RCAN2: variants seen among roughly 807,000 people sequenced by gnomAD.
RCAN2 encodes calcipressin-2.
A neutral mutation model predicts 23.6 loss-of-function variants in RCAN2; 9 were observed. The ratio of observed to expected loss-of-function variants is 0.38; its 90% CI spans 0.23 to 0.67. RCAN2 has a LOEUF of 0.67. Ranked by LOEUF, RCAN2 falls within the 30% of genes least tolerant of loss-of-function variation. The pLI is 0.51. For synonymous variants in RCAN2, 109 were observed against 115.7 expected (o/e 0.94, Z 0.37); for missense variants, 273 against 302.3 (o/e 0.90, Z 0.72).
At chr6:46,261,045 C>T (rs1163641487) in intron 2 of RCAN2, among the ~76,000 whole-genome samples, 1 of 152,178 alleles carries the variant, frequency 6.6e-6, no homozygotes. Flanking sequence ...AAGCTGACAG[C>T]TTCAACCTTC....
intron 2 of RCAN2, among the ~76,000 whole-genome samples, chr6:46,270,959 A>G (rs1436379511): frequency 1.3e-5 from 2 of 152,172 alleles, no homozygotes. Context: ...GTTCTGTGAT[A>G]CATCCTTGTG....
Position 46,221,297 on chromosome 6 carries a change from A to C in RCAN2, c.*1844T>G, listed in dbSNP as rs1432808487. 1.3e-5 allele frequency: 2 copies of C among 152,640 alleles called. No individual in the cohort carries two copies. Among genetic ancestry groups the C allele is most frequent in the Non-Finnish European group, 2.9e-5 (2 of 68,034 alleles). The allele number at this position is 152,640 out of a possible 1,614,324, so 9.5% of individuals were successfully genotyped here. On this transcript the variant is annotated 3_prime_UTR_variant, in exon 5 of 5. Coordinates refer to ENST00000371374, the MANE Select transcript of RCAN2 (RefSeq NM_001251974.2). ...AAGTCAAATGACCCACAGATGATTG[A>C]GAAGAGTCAGCTTTGAAAGGCTGGA...
chr6:46,456,734 C>T lies in RCAN2; in HGVS notation c.225+18G>A. On this transcript the variant is annotated intron_variant, in intron 2 of 4. Coordinates refer to ENST00000371374, the MANE Select transcript of RCAN2 (RefSeq NM_001251974.2). Reference sequence around the variant, plus strand: ...GCCATATCTCCCCATGTTTTAGGAACAGAAAAAGGCAGCTTACCTTGCTCT... The same window carrying T: ...GCCATATCTCCCCATGTTTTAGGAATAGAAAAAGGCAGCTTACCTTGCTCT... 3 of 1,511,310 alleles carry T rather than the reference C, an allele frequency of 2.0e-6. No individual in the cohort carries two copies. Among genetic ancestry groups the T allele is most frequent in the Non-Finnish European group, 2.7e-6 (3 of 1,111,138 alleles). 93.6% of individuals were successfully genotyped at this position (1,511,310 alleles called of 1,614,324 possible). A position where few individuals can be genotyped will look rare whatever the true frequency, so the allele number is the denominator to read the frequency against.
chr6:46,479,671 C>T (rs1768803694), intron 1 of RCAN2, among the ~76,000 whole-genome samples: 1 of 151,208 alleles, frequency 6.6e-6, no homozygotes, highest in African/African-American at 2.4e-5. Flanking sequence ...CAGCCTCTGC[C>T]TCCCGGGTTC....
chr6:46,240,344 C>T (rs1432477900), intron 4 of RCAN2, among the ~76,000 whole-genome samples: 1 of 152,096 alleles, frequency 6.6e-6, no homozygotes, highest in Non-Finnish European at 1.5e-5. Context: ...CTACAATGTA[C>T]ACAGTTTACC....
chr6:46,483,688 G>A (rs1406590255), intron 1 of RCAN2, among the ~76,000 whole-genome samples: 1 of 152,158 alleles, frequency 6.6e-6, no homozygotes, highest in Non-Finnish European at 1.5e-5. Flanking sequence ...CCAAGAGACA[G>A]AGAAATAAGA....
intron 2 of RCAN2, among the ~76,000 whole-genome samples, chr6:46,331,548 G>C (rs1030832452): frequency 2.2e-4 from 33 of 152,202 alleles, no homozygotes; most frequent in African/African-American, 6.5e-4. Context: ...AATCTTCAAA[G>C]GGCACTTACC....
chr6:46,280,108 A>G (rs950458786), intron 2 of RCAN2, among the ~76,000 whole-genome samples: 2 of 152,140 alleles, frequency 1.3e-5, no homozygotes, highest in Non-Finnish European at 2.9e-5. Context: ...TGCCTACCCC[A>G]CACAAAGCTT....
intron 2 of RCAN2, among the ~76,000 whole-genome samples, chr6:46,257,743 C>A (rs1284409885): frequency 1.3e-5 from 2 of 152,094 alleles, no homozygotes; most frequent in Non-Finnish European, 2.9e-5. Context: ...GACGAGGAGC[C>A]AAACCATATT....
intron 4 of RCAN2, among the ~76,000 whole-genome samples, chr6:46,223,838 A>G (rs556242235): frequency 6.6e-6 from 1 of 152,306 alleles, no homozygotes; most frequent in Non-Finnish European, 1.5e-5. Flanking sequence ...GATGACCATC[A>G]AGGCCCTTTC....
chr6:46,435,277 T>C (rs1767334515), intron 2 of RCAN2, among the ~76,000 whole-genome samples: 1 of 152,236 alleles, frequency 6.6e-6, no homozygotes, highest in African/African-American at 2.4e-5. Context: ...ATAAAGTCAT[T>C]CATATGAATT....
rs188904503 is a variant in RCAN2 at position 46,306,975 on chromosome 6, A to G, written c.226-58079T>C. Among the ~76,000 whole-genome samples the G allele has an allele frequency of 3.3e-3, 505 of 152,252 alleles. 2 individuals carry two copies. Among genetic ancestry groups the G allele is most frequent in the Non-Finnish European group, 5.6e-3 (384 of 68,000 alleles). On this transcript the variant is annotated intron_variant, in intron 2 of 4. Coordinates refer to ENST00000371374, the MANE Select transcript of RCAN2 (RefSeq NM_001251974.2). The stretch of plus-strand genomic sequence containing the variant: ...ACTTTGTTTGCTAATTTCAGCCTAT[A>G]TCTAGAACAGAGCCTGGCAAATGAT...
At chr6:46,253,196 A>G (rs1766792755) in intron 2 of RCAN2, among the ~76,000 whole-genome samples, 1 of 152,212 alleles carries the variant, frequency 6.6e-6, no homozygotes, top group African/African-American at 2.4e-5. Flanking sequence ...CTTTTAATCT[A>G]TCTACCATCT....
At chr6:46,463,882 A>G (rs946379746) in intron 1 of RCAN2, among the ~76,000 whole-genome samples, 4 of 152,194 alleles carry the variant, frequency 2.6e-5, no homozygotes, top group African/African-American at 9.7e-5. Context: ...TTAAAGATTC[A>G]CCTCATTTGC....
At chr6:46,453,857 A>T (rs1368894357) in intron 2 of RCAN2, among the ~76,000 whole-genome samples, 1 of 152,246 alleles carries the variant, frequency 6.6e-6, no homozygotes, top group African/African-American at 2.4e-5. Context: ...TGATTTCAGA[A>T]GCAGGCTGTG....
At chr6:46,322,573 C>T (rs951460345) in intron 2 of RCAN2, among the ~76,000 whole-genome samples, 2 of 152,244 alleles carry the variant, frequency 1.3e-5, no homozygotes, top group Non-Finnish European at 2.9e-5. Context: ...TTCAAATAAA[C>T]TCCCATACTT....
chr6:46,300,008 A>G (rs1448603672), intron 2 of RCAN2, among the ~76,000 whole-genome samples: 1 of 151,906 alleles, frequency 6.6e-6, no homozygotes, highest in Non-Finnish European at 1.5e-5. Flanking sequence ...AAGTATATAT[A>G]GTATGTATAT....
chr6:46,410,653 T>A (rs1167405250), intron 2 of RCAN2, among the ~76,000 whole-genome samples: 1 of 152,242 alleles, frequency 6.6e-6, no homozygotes, highest in East Asian at 1.9e-4. Context: ...ATGTCTATTC[T>A]AGGCGAGGTT....
chr6:46,334,684 T>C (rs900403094), intron 2 of RCAN2, among the ~76,000 whole-genome samples: 1 of 152,156 alleles, frequency 6.6e-6, no homozygotes, highest in Non-Finnish European at 1.5e-5. Context: ...GCAGCTGCAG[T>C]GCCCTCAGGC....
Sources: allele counts gnomAD v4.1 joint callset (sites outside exome capture counted in the v4.1 genomes callset), GRCh38; gene constraint gnomAD v4.1.1; transcripts MANE v1.5; gene names NCBI Gene and HGNC (gene_info 2026-07-23, HGNC 2026-07-21).